RIN2: variants seen among roughly 807,000 people sequenced by gnomAD.
RIN2 encodes the protein RAB5 interacting protein 2.
RIN2 carries 36 observed loss-of-function variants against 78.0 expected under a neutral mutation model. The observed-to-expected ratio is 0.46, with a 90% CI of 0.35 to 0.61. The LOEUF is 0.61. Among genes scored for constraint, RIN2 ranks in the 20% least tolerant of loss-of-function variants. The pLI is 0.00. For missense variants in RIN2, 1,087 were observed against 1,159.7 expected, an observed-to-expected ratio of 0.94 and a Z score of 0.91; for synonymous variants, 466 against 466.8, an observed-to-expected ratio of 1.00 and a Z score of 0.02.
At chr20:19,847,510 T>G (rs1389325502) in intron 2 of RIN2, among the ~76,000 whole-genome samples, 1 of 152,130 alleles carries the variant, frequency 6.6e-6, no homozygotes, top group Admixed American at 6.5e-5. Context: ...TGCTGCCACT[T>G]CAGCTTCCGG....
intron 2 of RIN2, among the ~76,000 whole-genome samples, chr20:19,883,698 C>T (rs931735951): frequency 6.6e-6 from 1 of 152,014 alleles, no homozygotes; most frequent in African/African-American, 2.4e-5. Context: ...CTCGGGTGGT[C>T]ACATGGCCAG....
chr20:20,000,041 G>T (rs1050939703), intron 12 of RIN2, among the ~76,000 whole-genome samples: 2 of 152,172 alleles, frequency 1.3e-5, no homozygotes, highest in Non-Finnish European at 2.9e-5. Flanking sequence ...TGTCAAAAGT[G>T]AACACAAGCC....
At chr20:19,792,115 ATTC>A (rs1290148873) in intron 1 of RIN2, among the ~76,000 whole-genome samples, 1 of 152,144 alleles carries the variant, frequency 6.6e-6, no homozygotes. Flanking sequence ...AAAGAAAGAA[ATTC>A]TTCTTTGTGG....
At chr20:19,979,920 C>T (rs545502204) in intron 9 of RIN2, among the ~76,000 whole-genome samples, 12 of 151,682 alleles carry the variant, frequency 7.9e-5, no homozygotes, top group Non-Finnish European at 1.6e-4. Context: ...TGGTGGATGC[C>T]TGTAATCCCA....
At chr20:19,817,341 T>C (rs1252222132) in intron 2 of RIN2, among the ~76,000 whole-genome samples, 2 of 152,184 alleles carry the variant, frequency 1.3e-5, no homozygotes, top group Admixed American at 6.5e-5. Context: ...AGATGAAGGT[T>C]TCTAGCTGTG....
intron 10 of RIN2, 139 bp from the exon 11 acceptor site, chr20:19,992,029 C>A: frequency 1.0e-6 from 1 of 974,432 alleles, no homozygotes; most frequent in Non-Finnish European, 1.4e-6. Context: ...CATAGGATTC[C>A]AGAAACACTC....
chr20:19,761,838 C>G (rs186544568), intron 1 of RIN2, among the ~76,000 whole-genome samples: 3 of 152,294 alleles, frequency 2.0e-5, no homozygotes, highest in African/African-American at 7.2e-5. Context: ...AGAGCACTGC[C>G]TTTTTGCTGC....
intron 6 of RIN2, among the ~76,000 whole-genome samples, chr20:19,961,474 G>A (rs555500536): frequency 6.6e-6 from 1 of 152,150 alleles, no homozygotes; most frequent in Admixed American, 6.5e-5. Flanking sequence ...TCCAAGAAAG[G>A]ATCGGAAGAT....
intron 2 of RIN2, among the ~76,000 whole-genome samples, chr20:19,870,125 C>T (rs1326031200): frequency 6.6e-6 from 1 of 152,124 alleles, no homozygotes; most frequent in Non-Finnish European, 1.5e-5. Context: ...ACTTACTGCA[C>T]CAGTATATAC....
intron 2 of RIN2, among the ~76,000 whole-genome samples, chr20:19,876,901 C>CAAAA (rs11483125): frequency 7.0e-6 from 1 of 142,458 alleles, no homozygotes; most frequent in Non-Finnish European, 1.5e-5. Flanking sequence ...GACTCCATCT[C>CAAAA]AAAAAAAAAA....
rs139415147 is a variant in RIN2 at position 19,929,321 on chromosome 20, T to C, written c.58-5778T>C. On this transcript the variant is annotated intron_variant, in intron 3 of 12. Coordinates refer to ENST00000255006, the MANE Select transcript of RIN2 (RefSeq NM_018993.4). ...AAACTTCAGTTAGTAGCACCAGTTTTTTGTGTTTTTGTTTTTGGGTTTTGT... is the reference window on the plus strand; with the variant it reads ...AAACTTCAGTTAGTAGCACCAGTTTCTTGTGTTTTTGTTTTTGGGTTTTGT... 1.3e-3 allele frequency among the ~76,000 whole-genome samples: 198 copies of C among 151,960 alleles called. 1 individual carries two copies. Among genetic ancestry groups the C allele is most frequent in the African/African-American group, 4.6e-3 (192 of 41,362 alleles).
chr20:19,795,773 C>A (rs2035035241), intron 1 of RIN2, among the ~76,000 whole-genome samples: 1 of 152,122 alleles, frequency 6.6e-6, no homozygotes, highest in African/African-American at 2.4e-5. Context: ...AATGCACACA[C>A]CTACCCCATG....
At chr20:19,858,927 C>T (rs1010883193) in intron 2 of RIN2, among the ~76,000 whole-genome samples, 2 of 152,146 alleles carry the variant, frequency 1.3e-5, no homozygotes, top group Non-Finnish European at 2.9e-5. Flanking sequence ...AGGGAGAAGG[C>T]GGGACTGCTG....
Position 19,853,124 on chromosome 20 carries a change from T to C in RIN2, c.-36-36442T>C, listed in dbSNP as rs897239446. Among the ~76,000 whole-genome samples the C allele has an allele frequency of 2.4e-4, 36 of 149,220 alleles. No individual in the cohort carries two copies. In the Middle Eastern group the frequency reaches 0.014, roughly 58 times the overall value. On this transcript the variant is annotated intron_variant, in intron 2 of 12. Transcript: ENST00000255006. ...TTCAATTCCCACCTATGAGTGAGAA[T>C]ATGCGGTGTTTGGTTTTTTGTCCTT...
At chr20:19,911,974 G>GA (rs1469050873) in intron 3 of RIN2, among the ~76,000 whole-genome samples, 7 of 149,424 alleles carry the variant, frequency 4.7e-5, no homozygotes, top group African/African-American at 1.5e-4. Flanking sequence ...GCTGTCTGTG[G>GA]TTTTGATGGA....
intron 2 of RIN2, among the ~76,000 whole-genome samples, chr20:19,823,249 G>A (rs1001362687): frequency 2.0e-5 from 3 of 152,192 alleles, no homozygotes; most frequent in Non-Finnish European, 2.9e-5. Context: ...GGCAGTGAAC[G>A]TGCTGAAGAA....
chr20:19,975,393 C>CT lies in RIN2; in HGVS notation c.1368_1369insT (p.Thr457TyrfsTer13). The CT allele has an allele frequency of 6.2e-7, 1 of 1,614,056 alleles. No individual in the cohort carries two copies. On this transcript the variant is annotated frameshift_variant, in exon 9 of 13. Transcript: ENST00000255006. LOFTEE classifies it high-confidence loss of function. The surrounding 1 kb of genome is among the most constrained non-coding windows in gnomAD (Gnocchi z 4.9). ...TGCCTCTGTTTGGCTACGAGGCGGA[C>CT]ACCAACAGCAGCCTGGAGGACTACG...
At chr20:19,794,990 C>T (rs1480706622) in intron 1 of RIN2, among the ~76,000 whole-genome samples, 6 of 152,134 alleles carry the variant, frequency 3.9e-5, no homozygotes, top group African/African-American at 7.2e-5. Context: ...TGTTGAGAAA[C>T]CAATGTAAGT....
At chr20:19,792,133 A>AG (rs2034906612) in intron 1 of RIN2, among the ~76,000 whole-genome samples, 1 of 152,176 alleles carries the variant, frequency 6.6e-6, no homozygotes, top group African/African-American at 2.4e-5. Context: ...TTGTGGACAG[A>AG]GGAACTGCCT....
Sources: allele counts gnomAD v4.1 joint callset (sites outside exome capture counted in the v4.1 genomes callset), GRCh38; gene constraint gnomAD v4.1.1; non-coding constraint Gnocchi (gnomAD v3.1); transcripts MANE v1.5; gene names NCBI Gene and HGNC (gene_info 2026-07-23, HGNC 2026-07-21).